Variants in SSC4D observed in about 807,000 individuals in gnomAD.
SSC4D encodes scavenger receptor cysteine-rich domain-containing group B protein.
A neutral mutation model predicts 63.4 loss-of-function variants in SSC4D; 57 were observed. The ratio of observed to expected loss-of-function variants is 0.90; its 90% CI spans 0.73 to 1.12. The LOEUF is 1.12. SSC4D is among the 50% of genes most tolerant of loss of function. The pLI, the probability that SSC4D is intolerant of heterozygous loss-of-function variation, is 0.00. For synonymous variants in SSC4D, 352 were observed against 345.4 expected (o/e 1.02, Z -0.21); for missense variants, 791 against 806.4 (o/e 0.98, Z 0.23).
At chr7:76,395,722 G>A (rs1449096249) in intron 6 of SSC4D, among the ~76,000 whole-genome samples, 2 of 152,086 alleles carry the variant, frequency 1.3e-5, no homozygotes, top group East Asian at 3.9e-4. Context: ...ATGGAGTTTC[G>A]CTCTTGTTAC....
At chr7:76,403,692 C>T (rs35416619) in intron 2 of SSC4D, among the ~76,000 whole-genome samples, 27,551 of 151,462 alleles carry the variant, frequency 0.18, 2,720 homozygotes, top group South Asian at 0.25. Context: ...GACAGAGTCT[C>T]GCTCTGTCAC....
Position 76,393,880 on chromosome 7 carries a change from G to A in SSC4D, c.971C>T (p.Ser324Phe), listed in dbSNP as rs1804567343. 1 of 1,606,356 alleles carries A rather than the reference G, an allele frequency of 6.2e-7. No homozygotes were observed. Among genetic ancestry groups the A allele is most frequent in the South Asian group, 1.1e-5 (1 of 89,532 alleles). Residue 324 changes from serine to phenylalanine, a missense_variant, in exon 8 of 11, where the codon TCC (serine) becomes TTC (phenylalanine). Transcript: ENST00000275560. ...PSATGVGPQP[S>F]RETALLTTAA... ...GGTGGTGAGCAGTGCTGTCTCCCGGGAAGGCTGGGGGCCAACTCCTGTAGC... is the reference window on the plus strand; with the variant it reads ...GGTGGTGAGCAGTGCTGTCTCCCGGAAAGGCTGGGGGCCAACTCCTGTAGC...
chr7:76,395,543 G>A (rs1040556771), intron 6 of SSC4D, among the ~76,000 whole-genome samples: 1 of 152,190 alleles, frequency 6.6e-6, no homozygotes, highest in East Asian at 1.9e-4. Context: ...GTACACTTCA[G>A]TTTATACAGG....
intron 1 of SSC4D, among the ~76,000 whole-genome samples, chr7:76,407,370 C>T (rs1017148987): frequency 3.3e-5 from 5 of 151,304 alleles, no homozygotes; most frequent in Admixed American, 6.6e-5. Flanking sequence ...CTCGCCTTGT[C>T]GCCCAGGCTG....
At chr7:76,396,731 T>C (rs1191235361) in intron 6 of SSC4D, among the ~76,000 whole-genome samples, 1 of 152,230 alleles carries the variant, frequency 6.6e-6, no homozygotes, top group African/African-American at 2.4e-5. Context: ...CTATGAGTTA[T>C]GAGTTGTGGG....
chr7:76,400,246 A>G, intron 4 of SSC4D, 40 bp downstream of exon 4: 1 of 1,431,438 alleles, frequency 7.0e-7, no homozygotes, highest in East Asian at 2.6e-5. Context: ...GCTGCCTGCC[A>G]CAGTCTGTCT....
Position 76,394,818 on chromosome 7 carries a change from TAA to T in SSC4D, c.946+433_946+434del, listed in dbSNP as rs568655735. Among the ~76,000 whole-genome samples, 1,345 of 145,328 alleles carry T rather than the reference TAA, an allele frequency of 9.3e-3. 28 individuals carry two copies. The highest frequency in any genetic ancestry group is 0.032 in the African/African-American group (1,280 of 39,388). ...TATATAAATATATAAAATATGTGTA[TAA>T]TATATATGATATATATTATATATAA... On this transcript the variant is annotated intron_variant, in intron 7 of 10. Coordinates refer to ENST00000275560, the MANE Select transcript of SSC4D (RefSeq NM_080744.2).
At chr7:76,406,208 C>A (rs1805025116) in intron 1 of SSC4D, among the ~76,000 whole-genome samples, 1 of 152,084 alleles carries the variant, frequency 6.6e-6, no homozygotes, top group East Asian at 1.9e-4. Flanking sequence ...GAACTCCTGA[C>A]CTCAGGTGAT....
intron 10 of SSC4D, among the ~76,000 whole-genome samples, chr7:76,391,401 G>C (rs1057472486): frequency 6.6e-6 from 1 of 152,036 alleles, no homozygotes; most frequent in Non-Finnish European, 1.5e-5. Flanking sequence ...CTCCAGCCTG[G>C]GTGACAGAGC....
rs776336443 is a variant in SSC4D at position 76,397,501 on chromosome 7, G to C, written c.868+17C>G. The C allele has an allele frequency of 6.8e-7, 1 of 1,465,232 alleles. No homozygotes were observed. The highest frequency in any genetic ancestry group is 2.6e-5 in the Admixed American group (1 of 38,838). The allele number at this position is 1,465,232 out of a possible 1,614,324, so 90.8% of individuals were successfully genotyped here. A position where few individuals can be genotyped will look rare whatever the true frequency, so the allele number is the denominator to read the frequency against. On this transcript the variant is annotated intron_variant, in intron 6 of 10. Transcript: ENST00000275560. ...CCCACCTGCCCCGGCCCCGCCCATC[G>C]CCCCTAGAGCCCGCACCTGCGCAGA... is the stretch of plus-strand genomic sequence containing the variant.
intron 9 of SSC4D, 58 bp from the exon 10 acceptor site, chr7:76,392,099 T>C (rs1804505170): frequency 4.6e-6 from 7 of 1,517,530 alleles, no homozygotes; most frequent in Non-Finnish European, 8.9e-7. Context: ...GCATGTTCCT[T>C]AGGGCCAGGT....
In SSC4D at chr7:76,400,574, C is replaced by T. The variant is rs1202705257; in HGVS notation, c.187G>A (p.Gly63Ser). Reference protein sequence around the residue: ...LPFQELRLVGGPSRCRGRLEV... With the variant: ...LPFQELRLVGSPSRCRGRLEV... The stretch of plus-strand genomic sequence containing the variant: ...AGGCGGCCCCGGCAGCGGCTGGGGC[C>T]CCCCACCAGCCTCAGCTCTGTGAAG... Residue 63 changes from glycine (G) to serine (S), a missense_variant, in exon 4 of 11, where the codon GGC becomes AGC. Physicochemically the swap from Gly to Ser is moderately conservative, Grantham distance 56. Coordinates refer to ENST00000275560, the MANE Select transcript of SSC4D (RefSeq NM_080744.2). 1.0e-5 allele frequency: 15 copies of T among 1,479,906 alleles called. No homozygotes were observed. Among genetic ancestry groups the T allele is most frequent in the Non-Finnish European group, 1.3e-5 (14 of 1,111,086 alleles). The allele number at this position is 1,479,906 out of a possible 1,614,324, so 91.7% of individuals were successfully genotyped here.
At position 76,397,535 on chromosome 7, in the gene SSC4D, G is replaced by A. The variant is rs1183103814; in HGVS notation, c.851C>T (p.Ala284Val). ...GVHNCGHHED[A>V]GALCAGLGPP... ...GCCCGCACCTGCGCAGAGCGCGCCC[G>A]CGTCCTCGTGGTGGCCGCAGTTGTG... Residue 284 changes from alanine (A) to valine (V), a missense_variant, in exon 6 of 11, where the codon GCG (alanine) becomes GTG (valine). Ala to Val is a moderately conservative substitution (Grantham distance 64, BLOSUM62 0). Coordinates refer to ENST00000275560, the MANE Select transcript of SSC4D (RefSeq NM_080744.2). The A allele has an allele frequency of 1.0e-5, 16 of 1,574,130 alleles. No individual in the cohort carries two copies. The highest frequency in any genetic ancestry group is 1.4e-5 in the Non-Finnish European group (16 of 1,160,842).
intron 6 of SSC4D, 24 bp from the exon 7 acceptor site, chr7:76,395,354 G>T: frequency 6.2e-7 from 1 of 1,612,186 alleles, no homozygotes; most frequent in Non-Finnish European, 8.5e-7. Flanking sequence ...GAAGGGGGCA[G>T]GGTCAGAGGC....
At position 76,390,382 on chromosome 7, in the gene SSC4D, G is replaced by C; in HGVS notation, c.1412-7C>G. 6.4e-7 allele frequency: 1 copy of C among 1,570,704 alleles called. No homozygotes were observed. Among genetic ancestry groups the C allele is most frequent in the African/African-American group, 1.3e-5 (1 of 74,396 alleles). ...TTGACCAGACGTAGATGCCCTGTGG[G>C]GGGACAGGGCTGGGTTGGAAGGGGC... On this transcript the variant is annotated splice_polypyrimidine_tract_variant and splice_region_variant and intron_variant, in intron 10 of 10. Transcript: ENST00000275560.
Position 76,397,728 on chromosome 7 carries a change from G to A in SSC4D, c.658C>T (p.Leu220=). ...WGTVCDDDWG[L]PDAAVVCRQL... is the part of the protein sequence containing the mutation. ...CGACAGACCACAGCGGCATCCGGCAGCCCCCAGTCGTCGTCACACACGGTG... is the reference window on the plus strand; with the variant it reads ...CGACAGACCACAGCGGCATCCGGCAACCCCCAGTCGTCGTCACACACGGTG... Residue 220 remains leucine (L), a synonymous_variant, in exon 6 of 11, where the codon CTG becomes TTG. Transcript: ENST00000275560. The A allele has an allele frequency of 6.2e-7, 1 of 1,613,350 alleles. No homozygotes were observed. Among genetic ancestry groups the A allele is most frequent in the Non-Finnish European group, 8.5e-7 (1 of 1,179,828 alleles).
At chr7:76,392,115 C>A in intron 9 of SSC4D, 74 bp from the exon 10 acceptor site, 1 of 1,444,616 alleles carries the variant, frequency 6.9e-7, no homozygotes, top group African/African-American at 1.4e-5. Context: ...CAGGTCCCCT[C>A]CTGCTCTCCC....
chr7:76,397,833 C>T lies in SSC4D; in HGVS notation c.554-1G>A. ...CCTACCAGGCGTACGCTGCCCTCAC[C>T]TGGGGATGGGGGCGGGGGTCAGGGC... On this transcript the variant is annotated splice_acceptor_variant, in intron 5 of 10. Coordinates refer to ENST00000275560, the MANE Select transcript of SSC4D (RefSeq NM_080744.2). LOFTEE classifies it high-confidence loss of function. 1 of 1,563,098 alleles carries T rather than the reference C, an allele frequency of 6.4e-7. No individual in the cohort carries two copies. Among genetic ancestry groups the T allele is most frequent in the South Asian group, 1.2e-5 (1 of 86,720 alleles).
rs1231741783 is a variant in SSC4D, at chr7:76,397,890, A to T, written c.554-58T>A. 15 of 1,446,254 alleles carry T rather than the reference A, an allele frequency of 1.0e-5. No individual in the cohort carries two copies. In the East Asian group the frequency reaches 1.8e-4, roughly 17 times the overall value. 89.6% of individuals were successfully genotyped at this position (1,446,254 alleles called of 1,614,324 possible). ...CCCACTGGCCTCTGCCCCCGTCCGC[A>T]CCGCAAGGGCAGCCCGGTGTCCCAG... On this transcript the variant is annotated intron_variant, in intron 5 of 10. Transcript: ENST00000275560.
Sources: gnomAD v4.1 joint callset for allele counts (sites outside exome capture counted in the v4.1 genomes callset) on GRCh38, gnomAD v4.1.1 for gene constraint, MANE v1.5 for transcripts, NCBI Gene and HGNC (gene_info 2026-07-23, HGNC 2026-07-21) for gene names.